Variants in ADGRB3 observed in about 807,000 individuals in gnomAD.
ADGRB3 encodes brain-specific angiogenesis inhibitor 3.
Under a neutral mutation model 193.4 loss-of-function variants are expected in ADGRB3, and 37 were observed. That is an observed-to-expected ratio of 0.19 (90% CI 0.15 to 0.25). ADGRB3 has a LOEUF of 0.25. Among genes scored for constraint, ADGRB3 ranks in the 10% least tolerant of loss-of-function variants. ADGRB3 has a pLI of 1.00. For missense variants in ADGRB3, 1,637 were observed against 1,852.9 expected, an observed-to-expected ratio of 0.88 and a Z score of 2.14; for synonymous variants, 690 against 644.2, an observed-to-expected ratio of 1.07 and a Z score of -1.08.
intron 21 of ADGRB3, 55 bp downstream of exon 21, chr6:69,325,077 A>C: frequency 6.4e-7 from 1 of 1,561,082 alleles, no homozygotes; most frequent in South Asian, 1.2e-5. Flanking sequence ...TTGAACACAC[A>C]TTAGAAAGCA....
intron 3 of ADGRB3, among the ~76,000 whole-genome samples, chr6:68,800,642 G>A (rs549727880): frequency 4.2e-4 from 64 of 152,256 alleles, no homozygotes; most frequent in African/African-American, 1.5e-3. Flanking sequence ...GACATAAATG[G>A]TAATAGAAAG....
chr6:68,801,274 TGTAA>T (rs1433391695), intron 3 of ADGRB3, among the ~76,000 whole-genome samples: 1 of 152,218 alleles, frequency 6.6e-6, no homozygotes, highest in Non-Finnish European at 1.5e-5. Context: ...TCTTAGAGGC[TGTAA>T]GTATCTCTTT....
chr6:68,810,602 G>C (rs907638229), intron 3 of ADGRB3, among the ~76,000 whole-genome samples: 1 of 152,314 alleles, frequency 6.6e-6, no homozygotes, highest in Non-Finnish European at 1.5e-5. Flanking sequence ...GAAGTGGTTT[G>C]AGGTAGACGA....
chr6:68,695,476 G>A (rs1765141532), intron 3 of ADGRB3, among the ~76,000 whole-genome samples: 1 of 152,020 alleles, frequency 6.6e-6, no homozygotes, highest in Non-Finnish European at 1.5e-5. Flanking sequence ...GGCCTCTTCT[G>A]AGTAGATTAC....
At chr6:69,058,469 A>C (rs1228074103) in intron 15 of ADGRB3, among the ~76,000 whole-genome samples, 1 of 151,864 alleles carries the variant, frequency 6.6e-6, no homozygotes, top group Non-Finnish European at 1.5e-5. Flanking sequence ...CTTTATTATT[A>C]TCTTTCTTCA....
chr6:69,377,278 A>G (rs1318841437), intron 30 of ADGRB3, among the ~76,000 whole-genome samples: 1 of 151,944 alleles, frequency 6.6e-6, no homozygotes, highest in Non-Finnish European at 1.5e-5. Context: ...AGAACATTGA[A>G]AGGCCTCAGA....
chr6:69,379,927 A>G (rs1379135609), intron 30 of ADGRB3, among the ~76,000 whole-genome samples: 1 of 152,006 alleles, frequency 6.6e-6, no homozygotes, highest in Non-Finnish European at 1.5e-5. Context: ...CAGCTTTATT[A>G]TTCAGAATAG....
intron 22 of ADGRB3, 72 bp downstream of exon 22, chr6:69,327,961 T>A (rs1416759117): frequency 4.4e-6 from 6 of 1,350,036 alleles, no homozygotes; most frequent in Admixed American, 3.8e-5. Context: ...TTGGCACTGC[T>A]GATGGCTTGC....
chr6:68,720,924 T>C (rs1211259133), intron 3 of ADGRB3, among the ~76,000 whole-genome samples: 1 of 151,802 alleles, frequency 6.6e-6, no homozygotes, highest in Non-Finnish European at 1.5e-5. Context: ...ATAATCATTT[T>C]AATACAATGT....
At chr6:68,946,034 AACATATGGGCATATCCTTGAGT>A (rs894996221) in intron 6 of ADGRB3, among the ~76,000 whole-genome samples, 4 of 152,086 alleles carry the variant, frequency 2.6e-5, no homozygotes, top group African/African-American at 7.2e-5. Context: ...CTCATAAGTG[AACATATGGGCATATCCTTGAGT>A]ACTTAAACGT....
intron 3 of ADGRB3, among the ~76,000 whole-genome samples, chr6:68,815,647 A>G (rs1365130960): frequency 8.1e-6 from 1 of 123,144 alleles, no homozygotes; most frequent in Non-Finnish European, 1.8e-5. Flanking sequence ...GTGTGCATGT[A>G]GATCTCATTT....
chr6:68,898,676 T>A (rs1766310440), intron 3 of ADGRB3, among the ~76,000 whole-genome samples: 1 of 152,132 alleles, frequency 6.6e-6, no homozygotes, highest in Admixed American at 6.6e-5. Context: ...AGAATAACTT[T>A]GCAGTCGAGA....
chr6:68,847,700 G>A (rs1181218704), intron 3 of ADGRB3, among the ~76,000 whole-genome samples: 2 of 151,978 alleles, frequency 1.3e-5, no homozygotes, highest in Non-Finnish European at 2.9e-5. Context: ...CCCAGTCTCG[G>A]GTATGTCTTT....
intron 17 of ADGRB3, among the ~76,000 whole-genome samples, chr6:69,214,494 A>T (rs992737614): frequency 1.3e-5 from 2 of 152,084 alleles, no homozygotes; most frequent in African/African-American, 4.8e-5. Flanking sequence ...TGTTTTATTA[A>T]CAGAAGAAAT....
intron 30 of ADGRB3, among the ~76,000 whole-genome samples, chr6:69,374,292 G>A (rs1296018111): frequency 2.0e-5 from 3 of 152,030 alleles, no homozygotes; most frequent in African/African-American, 7.2e-5. Flanking sequence ...GTATAAATGC[G>A]AATGAATTGT....
At position 68,943,119 on chromosome 6, in the gene ADGRB3, A is replaced by T. The variant is rs544973385; in HGVS notation, c.1031-711A>T. Among the ~76,000 whole-genome samples, 4 of 152,258 alleles carry T rather than the reference A, an allele frequency of 2.6e-5. No homozygotes were observed. The South Asian group carries it at 8.3e-4, about 32-fold the overall frequency. ...ATTAGTTAAATTTCCAGTTCTATCA[A>T]GTTGTTAGAGGAGGAAAAGCATCTT... is the stretch of plus-strand genomic sequence containing the variant. On this transcript the variant is annotated intron_variant, in intron 5 of 31. Transcript: ENST00000370598.
chr6:69,296,610 A>G (rs950262612), intron 20 of ADGRB3, among the ~76,000 whole-genome samples: 2 of 152,160 alleles, frequency 1.3e-5, no homozygotes, highest in African/African-American at 2.4e-5. Flanking sequence ...GTGAATAGTC[A>G]TGTTCTCACT....
intron 3 of ADGRB3, among the ~76,000 whole-genome samples, chr6:68,869,731 T>C (rs1327101227): frequency 7.2e-6 from 1 of 138,248 alleles, no homozygotes; most frequent in Non-Finnish European, 1.5e-5. Context: ...CATACATACA[T>C]AACTTTGAAT....
At chr6:69,119,593 T>G (rs987072126) in intron 17 of ADGRB3, among the ~76,000 whole-genome samples, 3 of 151,742 alleles carry the variant, frequency 2.0e-5, no homozygotes, top group South Asian at 2.1e-4. Context: ...TCTTTTGTTT[T>G]TGTGTGTGTG....
Sources: gnomAD v4.1 joint callset for allele counts (sites outside exome capture counted in the v4.1 genomes callset) on GRCh38, gnomAD v4.1.1 for gene constraint, MANE v1.5 for transcripts, NCBI Gene and HGNC (gene_info 2026-07-23, HGNC 2026-07-21) for gene names.